Variants in TENM1 observed in about 807,000 individuals in gnomAD.
The protein encoded by TENM1 is teneurin transmembrane protein 1.
In TENM1, 35 loss-of-function variants were observed where a neutral mutation model predicts 174.8. That is an observed-to-expected ratio of 0.20 (90% confidence interval 0.15 to 0.27). The LOEUF (loss-of-function observed/expected upper bound fraction) is 0.27. TENM1 is among the 10% of genes least tolerant of loss of function. The pLI is 1.00. For synonymous variants in TENM1, 781 were observed against 798.7 expected, an observed-to-expected ratio of 0.98 and a Z score of 0.37; for missense variants, 1,633 against 2,130.1, an observed-to-expected ratio of 0.77 and a Z score of 4.59.
chrX:125,029,993 A>T, the TENM1 span, among the ~76,000 whole-genome samples: 2 of 112,286 alleles, frequency 1.8e-5, no homozygotes, highest in African/African-American at 6.5e-5. Context: ...TGCAAATTAG[A>T]TCTGTGTCAT....
intron 6 of TENM1, among the ~76,000 whole-genome samples, chrX:124,670,630 A>C (rs1447314682): frequency 2.7e-5 from 3 of 111,712 alleles, no homozygotes; most frequent in Admixed American, 9.5e-5. Context: ...ATTAATTTTT[A>C]CTGAAGCATG....
intron 15 of TENM1, among the ~76,000 whole-genome samples, chrX:124,531,617 T>C (rs147651646): frequency 2.2e-3 from 243 of 112,546 alleles, no homozygotes; most frequent in African/African-American, 7.4e-3. Context: ...CTCTGTGACA[T>C]AGATCAGTGG....
intron 8 of TENM1, among the ~76,000 whole-genome samples, chrX:124,651,365 T>C (rs1258840548): frequency 8.9e-6 from 1 of 111,835 alleles, no homozygotes; most frequent in East Asian, 2.8e-4. Flanking sequence ...AGAGACATTG[T>C]GATGAATTTC....
chrX:125,154,795 G>C, the TENM1 span, among the ~76,000 whole-genome samples: 1 of 109,177 alleles, frequency 9.2e-6, no homozygotes, highest in Non-Finnish European at 1.9e-5. Context: ...AGACTTTCGC[G>C]GTGAGTGTTA....
chrX:124,505,560 A>G (rs2047428926), intron 18 of TENM1, among the ~76,000 whole-genome samples: 1 of 110,796 alleles, frequency 9.0e-6, no homozygotes, highest in African/African-American at 3.3e-5. Context: ...AAAGACTTCA[A>G]CTCTCAGATC....
At chrX:124,926,155 C>A (rs1296473289) in intron 1 of TENM1, among the ~76,000 whole-genome samples, 1 of 112,161 alleles carries the variant, frequency 8.9e-6, no homozygotes, top group Non-Finnish European at 1.9e-5. Flanking sequence ...AATATGGAAA[C>A]ATATACTAAG....
At chrX:125,089,154 G>A in the TENM1 span, among the ~76,000 whole-genome samples, 5 of 111,710 alleles carry the variant, frequency 4.5e-5, no homozygotes, top group African/African-American at 1.6e-4. Context: ...ATCAACTGGG[G>A]TGCTGGTCTC....
chrX:124,509,510 C>T (rs2047529230), intron 18 of TENM1, among the ~76,000 whole-genome samples: 1 of 110,731 alleles, frequency 9.0e-6, no homozygotes, highest in African/African-American at 3.3e-5. Flanking sequence ...TCCTTTGAAA[C>T]AATGTGACCG....
chrX:124,928,530 C>T (rs2058122817), intron 1 of TENM1, among the ~76,000 whole-genome samples: 1 of 112,069 alleles, frequency 8.9e-6, no homozygotes, highest in Admixed American at 9.5e-5. Context: ...GCCTTGGAAA[C>T]TGACTCAAAC....
chrX:124,433,484 C>G (rs990178131), intron 23 of TENM1, among the ~76,000 whole-genome samples: 2 of 111,545 alleles, frequency 1.8e-5, no homozygotes, highest in African/African-American at 6.5e-5. Context: ...CATTTAGATC[C>G]AGTACTTCTC....
intron 3 of TENM1, among the ~76,000 whole-genome samples, chrX:124,890,916 A>G (rs2057464047): frequency 8.9e-6 from 1 of 112,350 alleles, no homozygotes; most frequent in Admixed American, 9.5e-5. Flanking sequence ...TCAACAGATG[A>G]ATAGATAAAG....
At chrX:124,920,428 A>G (rs932933368) in intron 1 of TENM1, among the ~76,000 whole-genome samples, 2 of 111,459 alleles carry the variant, frequency 1.8e-5, no homozygotes, top group Non-Finnish European at 3.8e-5. Context: ...AGAACCACAC[A>G]TTTAGCTTAT....
At chrX:124,517,708 A>G (rs1427948351) in intron 18 of TENM1, among the ~76,000 whole-genome samples, 2 of 108,140 alleles carry the variant, frequency 1.8e-5, no homozygotes, top group Non-Finnish European at 3.8e-5. Context: ...GATAAACCTA[A>G]TGCATATGAC....
chrX:124,928,141 T>C (rs1242751847), intron 1 of TENM1, among the ~76,000 whole-genome samples: 1 of 112,113 alleles, frequency 8.9e-6, no homozygotes, highest in African/African-American at 3.2e-5. Flanking sequence ...TGAAACTTGG[T>C]TTATGTCCTG....
chrX:124,650,156 C>T (rs1187753881), intron 8 of TENM1, among the ~76,000 whole-genome samples: 3 of 89,314 alleles, frequency 3.4e-5, no homozygotes, highest in African/African-American at 8.7e-5. Context: ...GAGCCGAGAT[C>T]GTGCCATTGC....
intron 22 of TENM1, among the ~76,000 whole-genome samples, chrX:124,457,192 G>T (rs886429326): frequency 2.7e-5 from 3 of 111,804 alleles, no homozygotes; most frequent in African/African-American, 9.8e-5. Context: ...CAGATGCCCA[G>T]ACAGCATGTT....
the TENM1 span, among the ~76,000 whole-genome samples, chrX:125,044,202 T>A: frequency 7.4e-4 from 41 of 55,537 alleles, no homozygotes; most frequent in East Asian, 1.4e-3. Context: ...AGATTAAAAA[T>A]AAAAAAAAAT....
At chrX:124,502,412 G>A (rs1004622732) in intron 19 of TENM1, among the ~76,000 whole-genome samples, 3 of 112,014 alleles carry the variant, frequency 2.7e-5, no homozygotes, top group Non-Finnish European at 3.8e-5. Flanking sequence ...GCTCGATTGA[G>A]GTCATTTCCC....
At chrX:124,795,026 G>A (rs1440858565) in intron 3 of TENM1, among the ~76,000 whole-genome samples, 1 of 111,403 alleles carries the variant, frequency 9.0e-6, no homozygotes, top group Admixed American at 9.5e-5. Context: ...TACTGTTAAC[G>A]TAGTTTCCAC....
Sources: allele counts gnomAD v4.1 joint callset (sites outside exome capture counted in the v4.1 genomes callset), GRCh38; gene constraint gnomAD v4.1.1; transcripts MANE v1.5; gene names NCBI Gene and HGNC (gene_info 2026-07-23, HGNC 2026-07-21).